UNC5D: variants seen among roughly 807,000 people sequenced by gnomAD.
UNC5D encodes the protein unc-5 netrin receptor D.
Under a neutral mutation model 105.4 loss-of-function variants are expected in UNC5D, and 39 were observed. The ratio of observed to expected loss-of-function variants is 0.37; its 90% CI spans 0.29 to 0.48. The LOEUF is 0.48. Among genes scored for constraint, UNC5D ranks in the 20% least tolerant of loss-of-function variants. UNC5D has a pLI of 0.98. For missense variants in UNC5D, 991 were observed against 1,202.4 expected (o/e 0.82, Z 2.60); for synonymous variants, 452 against 450.4 (o/e 1.00, Z -0.04).
chr8:35,687,275 C>G (rs1826072960), intron 7 of UNC5D, among the ~76,000 whole-genome samples: 2 of 151,952 alleles, frequency 1.3e-5, no homozygotes, highest in African/African-American at 2.4e-5. Context: ...AACCCTGTCT[C>G]TACGAAAAAT....
chr8:35,505,261 A>T (rs1330306566), intron 1 of UNC5D, among the ~76,000 whole-genome samples: 1 of 152,266 alleles, frequency 6.6e-6, no homozygotes, highest in Non-Finnish European at 1.5e-5. Flanking sequence ...AAATGTGGCA[A>T]GGCTTAATGC....
intron 4 of UNC5D, among the ~76,000 whole-genome samples, chr8:35,663,573 G>A (rs922365533): frequency 3.9e-5 from 6 of 152,200 alleles, no homozygotes; most frequent in African/African-American, 1.4e-4. Flanking sequence ...TGGTGCTGGT[G>A]GTGGCGGGAG....
chr8:35,296,022 G>A (rs987797090), intron 1 of UNC5D, among the ~76,000 whole-genome samples: 1 of 152,138 alleles, frequency 6.6e-6, no homozygotes, highest in African/African-American at 2.4e-5. Context: ...TTTTGTGGGT[G>A]AATAATATTT....
intron 1 of UNC5D, among the ~76,000 whole-genome samples, chr8:35,299,620 C>T (rs541446500): frequency 1.3e-5 from 2 of 152,276 alleles, no homozygotes; most frequent in South Asian, 4.1e-4. Context: ...ATAGGTGATA[C>T]ATAACAAGAC....
At chr8:35,763,873 G>A (rs767118001) in intron 14 of UNC5D, among the ~76,000 whole-genome samples, 29 of 152,140 alleles carry the variant, frequency 1.9e-4, no homozygotes, top group African/African-American at 6.5e-4. Flanking sequence ...TTGATCAAAC[G>A]ACCACTGTGG....
intron 1 of UNC5D, among the ~76,000 whole-genome samples, chr8:35,504,160 G>A (rs1380084932): frequency 2.6e-5 from 4 of 152,140 alleles, no homozygotes; most frequent in Non-Finnish European, 5.9e-5. Flanking sequence ...TTTGATGAGA[G>A]TGAAGCAAAA....
rs1173950247 is a variant in UNC5D at position 35,431,679 on chromosome 8, T to C, written c.104-117613T>C. ...AGAATTAAAACACAAATATTATATA[T>C]ACCAACATATATTTTATGGACAAAG... On this transcript the variant is annotated intron_variant, in intron 1 of 16. Transcript: ENST00000404895. 4.6e-5 allele frequency among the ~76,000 whole-genome samples: 7 copies of C among 152,212 alleles called. No homozygotes were observed. The South Asian group carries it at 8.3e-4, about 18-fold the overall frequency.
chr8:35,544,386 G>A, intron 1 of UNC5D: 1 of 1,603,314 alleles, frequency 6.2e-7, no homozygotes, highest in South Asian at 1.1e-5. Context: ...AAATCTATCA[G>A]TAGCGTTAAA....
chr8:35,738,644 T>TA (rs1829597361), intron 11 of UNC5D, among the ~76,000 whole-genome samples: 1 of 152,238 alleles, frequency 6.6e-6, no homozygotes, highest in South Asian at 2.1e-4. Flanking sequence ...CTGTTTCTCA[T>TA]AACACTCTGG....
intron 4 of UNC5D, among the ~76,000 whole-genome samples, chr8:35,672,993 A>T (rs915084189): frequency 1.3e-5 from 2 of 152,172 alleles, no homozygotes; most frequent in Admixed American, 6.6e-5. Flanking sequence ...CTGTCATTTC[A>T]TTCAGCATCA....
intron 4 of UNC5D, among the ~76,000 whole-genome samples, chr8:35,659,205 T>G (rs567214164): frequency 9.2e-5 from 14 of 152,296 alleles, no homozygotes; most frequent in South Asian, 6.2e-4. Flanking sequence ...CAGATTTCTG[T>G]AATGAGATTG....
chr8:35,743,610 T>A (rs1025141258), intron 11 of UNC5D, among the ~76,000 whole-genome samples: 29 of 151,052 alleles, frequency 1.9e-4, no homozygotes, highest in African/African-American at 6.9e-4. Flanking sequence ...AAATTTTTTT[T>A]AAATCTTGAC....
At chr8:35,487,790 G>A (rs929020647) in intron 1 of UNC5D, among the ~76,000 whole-genome samples, 6 of 152,260 alleles carry the variant, frequency 3.9e-5, no homozygotes, top group Non-Finnish European at 7.4e-5. Flanking sequence ...TGCTAGAAAC[G>A]TGGACATAAA....
At chr8:35,788,593 A>T (rs753911450) in intron 16 of UNC5D, among the ~76,000 whole-genome samples, 1 of 152,102 alleles carries the variant, frequency 6.6e-6, no homozygotes, top group Non-Finnish European at 1.5e-5. Flanking sequence ...ATAAACACCT[A>T]TCATAGTATT....
At chr8:35,765,818 T>C (rs1018491115) in intron 14 of UNC5D, among the ~76,000 whole-genome samples, 1 of 152,186 alleles carries the variant, frequency 6.6e-6, no homozygotes, top group Non-Finnish European at 1.5e-5. Context: ...ATATATGTCT[T>C]GCCACCTTTC....
chr8:35,250,098 C>A (rs1351379576), intron 1 of UNC5D, among the ~76,000 whole-genome samples: 1 of 151,912 alleles, frequency 6.6e-6, no homozygotes, highest in Non-Finnish European at 1.5e-5. Context: ...AAAAGATGAG[C>A]CCCAAATGTT....
chr8:35,634,932 A>C (rs1453804297), intron 4 of UNC5D, among the ~76,000 whole-genome samples: 1 of 151,728 alleles, frequency 6.6e-6, no homozygotes, highest in East Asian at 1.9e-4. Context: ...TGCCTGGCTA[A>C]ATTTTGTATT....
At chr8:35,748,839 T>C (rs1159986064) in intron 12 of UNC5D, 144 bp downstream of exon 12, 5 of 837,830 alleles carry the variant, frequency 6.0e-6, no homozygotes, top group Admixed American at 3.3e-5. Flanking sequence ...ATCCTAAACA[T>C]ATTGGCTAGT....
intron 1 of UNC5D, among the ~76,000 whole-genome samples, chr8:35,431,187 T>C (rs1806607980): frequency 1.3e-5 from 2 of 152,188 alleles, no homozygotes; most frequent in South Asian, 4.1e-4. Flanking sequence ...AATACTTGTT[T>C]AAATATTTCC....
Sources: gnomAD v4.1 joint callset for allele counts (sites outside exome capture counted in the v4.1 genomes callset) on GRCh38, gnomAD v4.1.1 for gene constraint, MANE v1.5 for transcripts, NCBI Gene and HGNC (gene_info 2026-07-23, HGNC 2026-07-21) for gene names.